Variants in ZMYM2 observed in about 807,000 individuals in gnomAD.
ZMYM2 encodes zinc finger MYM-type containing 2, also known as zinc finger MYM-type protein 2.
In ZMYM2, 56 loss-of-function variants were observed where a neutral mutation model predicts 162.8. The ratio of observed to expected loss-of-function variants is 0.34; its 90% CI spans 0.28 to 0.43. ZMYM2 has a LOEUF of 0.43. Among genes scored for constraint, ZMYM2 ranks in the 20% least tolerant of loss-of-function variants. The pLI, the probability that ZMYM2 is intolerant of heterozygous loss-of-function variation, is 1.00. For missense variants in ZMYM2, 1,275 were observed against 1,621.8 expected, an observed-to-expected ratio of 0.79 and a Z score of 3.67; for synonymous variants, 510 against 541.6, an observed-to-expected ratio of 0.94 and a Z score of 0.81.
At chr13:20,001,908 T>TTA (rs1474153361) in intron 3 of ZMYM2, among the ~76,000 whole-genome samples, 1 of 152,238 alleles carries the variant, frequency 6.6e-6, no homozygotes, top group Non-Finnish European at 1.5e-5. Flanking sequence ...ATTGTACACT[T>TTA]AATAGACTAC....
At chr13:20,026,893 T>C in intron 8 of ZMYM2, 131 bp downstream of exon 8, 1 of 1,057,340 alleles carries the variant, frequency 9.5e-7, no homozygotes, top group Non-Finnish European at 1.3e-6. Flanking sequence ...TGAAAACTGT[T>C]CTAATTATTT....
intron 10 of ZMYM2, 56 bp downstream of exon 10, chr13:20,031,491 A>G: frequency 1.8e-6 from 2 of 1,142,794 alleles, no homozygotes; most frequent in South Asian, 1.8e-5. Flanking sequence ...GTCTAGTAAA[A>G]TAAGTGTTGT....
chr13:20,034,382 TAA>T lies in ZMYM2; in HGVS notation c.2098_2099del (p.Lys700GlufsTer5). 1.9e-6 allele frequency: 3 copies of T among 1,600,932 alleles called. No homozygotes were observed. The highest frequency in any genetic ancestry group is 1.7e-6 in the Non-Finnish European group (2 of 1,175,354). ...ATGAAACAGTAAATTTCTCTGGCGT[TAA>T]GAGACCTTTCTGTAGTGAAGGCAAG... ...LHETVNFSGV[K>X]RPFCSEGCKL... On this transcript the variant is annotated frameshift_variant, in exon 11 of 25. Coordinates refer to ENST00000610343, the MANE Select transcript of ZMYM2 (RefSeq NM_197968.4). LOFTEE classifies it high-confidence loss of function.
At chr13:20,037,212 A>T in intron 12 of ZMYM2, among the ~76,000 whole-genome samples, 1 of 139,734 alleles carries the variant, frequency 7.2e-6, no homozygotes. Context: ...CACTAAGTAG[A>T]ATTTTTTTTT....
chr13:19,922,769 G>A, the ZMYM2 span, among the ~76,000 whole-genome samples: 2 of 151,742 alleles, frequency 1.3e-5, no homozygotes, highest in Non-Finnish European at 2.9e-5. Context: ...GCGAGAACCC[G>A]GGAGGCAGAG....
At chr13:20,063,795 TA>T (rs1225978349) in intron 18 of ZMYM2, among the ~76,000 whole-genome samples, 3 of 18,480 alleles carry the variant, frequency 1.6e-4, no homozygotes, top group Admixed American at 9.7e-4. Flanking sequence ...TATATATATA[TA>T]AAAAATATAT....
intron 2 of ZMYM2, among the ~76,000 whole-genome samples, chr13:19,978,290 C>T (rs976401620): frequency 1.3e-5 from 2 of 152,178 alleles, no homozygotes; most frequent in Non-Finnish European, 2.9e-5. Context: ...TTGCAAATAA[C>T]TTGGTTTCAG....
At chr13:19,991,124 T>TGTGTGTGTGTGTGTGTGTGTGTGTGTG (rs1555289786) in intron 2 of ZMYM2, among the ~76,000 whole-genome samples, 1 of 150,646 alleles carries the variant, frequency 6.6e-6, no homozygotes, top group African/African-American at 2.5e-5. Context: ...TACGTATGTG[T>TGTGTGTGTGTGTGTGTGTGTGTGTGTG]TTTCTTTTGA....
chr13:20,038,791 G>GTT (rs546076159), intron 12 of ZMYM2, among the ~76,000 whole-genome samples: 12 of 143,100 alleles, frequency 8.4e-5, no homozygotes, highest in Admixed American at 7.0e-5. Flanking sequence ...GATTTTAAAA[G>GTT]TTTTTTTTTT....
At chr13:20,055,947 G>A (rs1020324377) in intron 14 of ZMYM2, among the ~76,000 whole-genome samples, 1 of 152,110 alleles carries the variant, frequency 6.6e-6, no homozygotes, top group Non-Finnish European at 1.5e-5. Context: ...AAGTTGAGGC[G>A]AGTTTTGCAG....
Position 19,993,131 on chromosome 13 carries a change from G to A in ZMYM2, c.59G>A (p.Gly20Glu). ...ACTGATCAGACTCCTGTTTTATTAG[G>A]GAGTACGGCCATGGCAACTAGTCTC... The part of the protein sequence containing the change: ...ELTDQTPVLL[G>E]STAMATSLTN... The change falls in exon 3 of 25, where the codon GGG (glycine) becomes GAG (glutamate). Residue 20 changes from glycine to glutamate, a missense_variant. Physicochemically the swap from Gly to Glu is moderately conservative, Grantham distance 98. Coordinates refer to ENST00000610343, the MANE Select transcript of ZMYM2 (RefSeq NM_197968.4). 6.2e-7 allele frequency: 1 copy of A among 1,613,996 alleles called. No homozygotes were observed. Among genetic ancestry groups the A allele is most frequent in the South Asian group, 1.1e-5 (1 of 91,062 alleles).
the ZMYM2 span, among the ~76,000 whole-genome samples, chr13:19,867,990 C>T: frequency 1.3e-5 from 2 of 152,232 alleles, no homozygotes; most frequent in Non-Finnish European, 2.9e-5. Flanking sequence ...ATTTTGGCCA[C>T]TGCCGTTGCT....
At chr13:20,009,511 T>C (rs1951007036) in intron 6 of ZMYM2, among the ~76,000 whole-genome samples, 1 of 152,222 alleles carries the variant, frequency 6.6e-6, no homozygotes, top group Non-Finnish European at 1.5e-5. Context: ...TTGACTCTAT[T>C]TCTGAAACTT....
At chr13:20,055,274 T>G (rs1321370533) in intron 14 of ZMYM2, among the ~76,000 whole-genome samples, 1 of 152,210 alleles carries the variant, frequency 6.6e-6, no homozygotes, top group African/African-American at 2.4e-5. Context: ...TTGTAACCCC[T>G]TAATCGATAC....
the ZMYM2 span, among the ~76,000 whole-genome samples, chr13:19,892,210 T>A: frequency 1.4e-4 from 21 of 152,094 alleles, 1 homozygote; most frequent in African/African-American, 4.8e-4. Flanking sequence ...CCCAAAGTGC[T>A]GGGATTACGA....
At chr13:19,898,487 C>T in the ZMYM2 span, among the ~76,000 whole-genome samples, 2 of 152,146 alleles carry the variant, frequency 1.3e-5, no homozygotes, top group Admixed American at 6.5e-5. Flanking sequence ...CCCACCTCAG[C>T]CTCCCAAAGT....
chr13:19,957,343 G>C (rs1954600354), upstream of ZMYM2, among the ~76,000 whole-genome samples: 1 of 152,170 alleles, frequency 6.6e-6, no homozygotes, highest in Non-Finnish European at 1.5e-5. Context: ...TCGTGAAATT[G>C]AGAAGTCGCC....
the ZMYM2 span, among the ~76,000 whole-genome samples, chr13:19,929,799 T>C: frequency 1.3e-5 from 2 of 152,236 alleles, no homozygotes; most frequent in Non-Finnish European, 1.5e-5. Flanking sequence ...TCTGGAAGAC[T>C]GTGTTTAAGA....
At chr13:20,001,996 T>G (rs1392887483) in intron 3 of ZMYM2, among the ~76,000 whole-genome samples, 1 of 152,220 alleles carries the variant, frequency 6.6e-6, no homozygotes, top group Non-Finnish European at 1.5e-5. Flanking sequence ...TTAGCTTTAT[T>G]GCAGTGATCT....
Sources: gnomAD v4.1 joint callset for allele counts (sites outside exome capture counted in the v4.1 genomes callset) on GRCh38, gnomAD v4.1.1 for gene constraint, MANE v1.5 for transcripts, NCBI Gene and HGNC (gene_info 2026-07-23, HGNC 2026-07-21) for gene names.